SOX6: variants seen among roughly 807,000 people sequenced by gnomAD.
SOX6 encodes transcription factor SOX-6.
SOX6 carries 11 observed loss-of-function variants against 97.8 expected under a neutral mutation model. The observed-to-expected ratio is 0.11, with a 90% CI of 0.07 to 0.19. The LOEUF (loss-of-function observed/expected upper bound fraction) is 0.19. Ranked by LOEUF, SOX6 falls within the 10% of genes least tolerant of loss-of-function variation. The pLI is 1.00. For missense variants in SOX6, 810 were observed against 1,039.5 expected (o/e 0.78, Z 3.04); for synonymous variants, 360 against 371.4 (o/e 0.97, Z 0.35).
intron 1 of SOX6, among the ~76,000 whole-genome samples, chr11:16,452,803 G>C (rs1216017573): frequency 6.6e-6 from 1 of 152,130 alleles, no homozygotes; most frequent in Non-Finnish European, 1.5e-5. Flanking sequence ...GATCCCTGAA[G>C]AAAGGGAAGA....
At chr11:16,142,485 G>C (rs998522467) in intron 6 of SOX6, among the ~76,000 whole-genome samples, 1 of 152,142 alleles carries the variant, frequency 6.6e-6, no homozygotes, top group Non-Finnish European at 1.5e-5. Context: ...ACCAGCAACA[G>C]AACAAAGCTG....
intron 14 of SOX6, 46 bp from the exon 15 acceptor site, chr11:15,986,466 T>C (rs1188063218): frequency 5.0e-6 from 8 of 1,588,306 alleles, no homozygotes; most frequent in Non-Finnish European, 5.2e-6. Context: ...CAAGGCAACA[T>C]ATTCTAGGCA....
intron 1 of SOX6, among the ~76,000 whole-genome samples, chr11:16,365,037 GTGA>G (rs1264794708): frequency 6.6e-6 from 1 of 152,024 alleles, no homozygotes; most frequent in Non-Finnish European, 1.5e-5. Flanking sequence ...CCAAAAATAG[GTGA>G]GTATAGCACA....
At chr11:16,396,017 C>A (rs1243162002) in intron 1 of SOX6, among the ~76,000 whole-genome samples, 1 of 147,668 alleles carries the variant, frequency 6.8e-6, no homozygotes, top group East Asian at 2.1e-4. Context: ...TCAAATCTTT[C>A]AATTTTGAGA....
chr11:16,117,462 C>A (rs940281030), intron 6 of SOX6, among the ~76,000 whole-genome samples: 3 of 152,168 alleles, frequency 2.0e-5, no homozygotes, highest in African/African-American at 7.2e-5. Context: ...ATCAGTATGA[C>A]CCAATGCAAG....
At chr11:16,558,816 T>A (rs1847777165) in intron 4 of SOX6, among the ~76,000 whole-genome samples, 1 of 151,954 alleles carries the variant, frequency 6.6e-6, no homozygotes, top group Admixed American at 6.6e-5. Flanking sequence ...TTTAAAAAAA[T>A]AAGAATTCTC....
intron 3 of SOX6, among the ~76,000 whole-genome samples, chr11:16,303,631 AGAGT>A (rs929567107): frequency 5.9e-5 from 9 of 152,302 alleles, no homozygotes; most frequent in Non-Finnish European, 8.8e-5. Context: ...TACAAATTTT[AGAGT>A]AAGTTTGTCT....
intron 1 of SOX6, among the ~76,000 whole-genome samples, chr11:16,394,413 T>A (rs1462286822): frequency 6.6e-6 from 1 of 151,896 alleles, no homozygotes; most frequent in African/African-American, 2.4e-5. Context: ...TCCTCTTTTT[T>A]ATCTCCTTTT....
At chr11:16,728,523 G>C (rs1199413150) in intron 2 of SOX6, among the ~76,000 whole-genome samples, 1 of 152,194 alleles carries the variant, frequency 6.6e-6, no homozygotes, top group Non-Finnish European at 1.5e-5. Flanking sequence ...AAACAGAAAG[G>C]AATAGCATCA....
intron 3 of SOX6, among the ~76,000 whole-genome samples, chr11:16,647,955 G>T (rs1849038135): frequency 6.6e-6 from 1 of 152,126 alleles, no homozygotes; most frequent in Non-Finnish European, 1.5e-5. Context: ...GGCTCACAGG[G>T]TGAAGGAAGT....
intron 1 of SOX6, among the ~76,000 whole-genome samples, chr11:16,392,751 T>A (rs938291756): frequency 6.6e-6 from 1 of 152,070 alleles, no homozygotes; most frequent in South Asian, 2.1e-4. Flanking sequence ...ATTGGCTGTC[T>A]ACAGATAAAA....
chr11:16,424,170 A>G (rs1411896206), intron 1 of SOX6, among the ~76,000 whole-genome samples: 1 of 152,208 alleles, frequency 6.6e-6, no homozygotes, highest in African/African-American at 2.4e-5. Context: ...AATAAAGACT[A>G]TTCTTTCAAG....
At chr11:16,170,106 G>A (rs145791143) in intron 6 of SOX6, among the ~76,000 whole-genome samples, 16 of 152,082 alleles carry the variant, frequency 1.1e-4, no homozygotes, top group African/African-American at 3.9e-4. Flanking sequence ...CTTCGAAATT[G>A]TTCACATATG....
At chr11:16,531,531 T>C (rs1369771093) in intron 4 of SOX6, among the ~76,000 whole-genome samples, 1 of 151,878 alleles carries the variant, frequency 6.6e-6, no homozygotes, top group East Asian at 1.9e-4. Flanking sequence ...GGAATAAATA[T>C]TACATTCCTA....
intron 3 of SOX6, among the ~76,000 whole-genome samples, chr11:16,667,021 C>A (rs7131337): frequency 0.023 from 3,509 of 151,238 alleles, 142 homozygotes; most frequent in African/African-American, 0.081. Flanking sequence ...AAGTTCAAGA[C>A]CAGTTTGGAT....
Position 16,131,416 on chromosome 11 carries a change from C to T in SOX6, c.778-19493G>A, listed in dbSNP as rs904074621. On this transcript the variant is annotated intron_variant, in intron 6 of 15. Transcript: ENST00000683767. ...ACCACAACAAGATACCCCTAAAATC[C>T]ACTAGAATGGTAAAAATTTAAAGGA... 9.9e-5 allele frequency among the ~76,000 whole-genome samples: 15 copies of T among 152,012 alleles called. No individual in the cohort carries two copies. The East Asian group carries it at 2.9e-3, about 29-fold the overall frequency.
intron 4 of SOX6, among the ~76,000 whole-genome samples, chr11:16,208,224 C>T (rs1440208151): frequency 6.6e-6 from 1 of 152,188 alleles, no homozygotes; most frequent in Non-Finnish European, 1.5e-5. Flanking sequence ...ATCAGTATTA[C>T]ATACACATCT....
intron 6 of SOX6, among the ~76,000 whole-genome samples, chr11:16,144,839 G>C (rs552756747): frequency 1.3e-5 from 2 of 152,156 alleles, no homozygotes; most frequent in Non-Finnish European, 2.9e-5. Flanking sequence ...AACAGGCTCT[G>C]AAATTGAGGC....
At chr11:16,122,142 A>C (rs1452609295) in intron 6 of SOX6, among the ~76,000 whole-genome samples, 1 of 152,042 alleles carries the variant, frequency 6.6e-6, no homozygotes, top group Non-Finnish European at 1.5e-5. Flanking sequence ...AACTTCTGGA[A>C]AAGTCAAGAG....
Sources: gnomAD v4.1 joint callset for allele counts (sites outside exome capture counted in the v4.1 genomes callset) on GRCh38, gnomAD v4.1.1 for gene constraint, MANE v1.5 for transcripts, NCBI Gene and HGNC (gene_info 2026-07-23, HGNC 2026-07-21) for gene names.